Variants in SVIL observed in about 807,000 individuals in gnomAD.
SVIL encodes the protein supervillin.
Under a neutral mutation model 240.4 loss-of-function variants are expected in SVIL, and 101 were observed. That is an observed-to-expected ratio of 0.42 (90% confidence interval 0.36 to 0.50). The LOEUF is 0.50. Ranked by LOEUF, SVIL falls within the 20% of genes least tolerant of loss-of-function variation. The probability of loss-of-function intolerance (pLI) is 0.01; values close to 1 mark genes in which losing one functional copy is unlikely to be tolerated. For synonymous variants in SVIL, 999 were observed against 1,100.0 expected, an observed-to-expected ratio of 0.91 and a Z score of 1.82; for missense variants, 2,512 against 2,818.7, an observed-to-expected ratio of 0.89 and a Z score of 2.46.
rs4749439 is a variant in SVIL at position 29,493,137 on chromosome 10, A to G, written c.4019+77T>C. The G allele has an allele frequency of 0.46, 674,967 of 1,462,980 alleles. 161,276 individuals carry two copies. The highest frequency in any genetic ancestry group is 0.75 in the African/African-American group (53,441 of 70,854). The allele number at this position is 1,462,980 out of a possible 1,614,324, so 90.6% of individuals were successfully genotyped here. On this transcript the variant is annotated intron_variant, in intron 21 of 37. Coordinates refer to ENST00000355867, the MANE Select transcript of SVIL (RefSeq NM_021738.3). ...GGAGAAGGAGGCCACACTGGGGGAA[A>G]AGCCTCATGGATGTGCCCTCTGCAG...
At chr10:29,636,155 C>T (rs1300512840), upstream of SVIL, among the ~76,000 whole-genome samples, 1 of 151,526 alleles carries the variant, frequency 6.6e-6, no homozygotes, top group Non-Finnish European at 1.5e-5. Flanking sequence ...AATTTCATAG[C>T]ATGGCTTTTG....
chr10:29,651,969 C>G (rs1958851264), intron 3 of SVIL, among the ~76,000 whole-genome samples: 1 of 152,084 alleles, frequency 6.6e-6, no homozygotes, highest in African/African-American at 2.4e-5. Context: ...TCTCATCTAT[C>G]ATGAAGTGCT....
At chr10:29,729,153 G>A (rs1372896090) in intron 1 of SVIL, among the ~76,000 whole-genome samples, 4 of 152,094 alleles carry the variant, frequency 2.6e-5, no homozygotes, top group African/African-American at 9.7e-5. Context: ...CCTCCTAAGG[G>A]AAATGGCTCT....
chr10:29,510,811 CCCA>C (rs1949776616), intron 17 of SVIL, among the ~76,000 whole-genome samples: 6 of 137,060 alleles, frequency 4.4e-5, no homozygotes, highest in Admixed American at 2.2e-4. Context: ...AGGCGCCTCA[CCCA>C]CCACATCTGA....
chr10:29,731,675 G>T (rs1406145645), intron 1 of SVIL, among the ~76,000 whole-genome samples: 2 of 152,134 alleles, frequency 1.3e-5, no homozygotes, highest in Admixed American at 1.3e-4. Flanking sequence ...AAAAAAAAAT[G>T]TTAATTCTGA....
chr10:29,630,751 A>G (rs1419677179), intron 1 of SVIL, among the ~76,000 whole-genome samples: 3 of 151,844 alleles, frequency 2.0e-5, no homozygotes, highest in Non-Finnish European at 2.9e-5. Flanking sequence ...TAGATGAAGG[A>G]AAAAAAAGGA....
Position 29,467,831 on chromosome 10 carries a change from A to G in SVIL, c.5888T>C (p.Ile1963Thr), listed in dbSNP as rs755504020. ...CTCGGAGCCTTCATCACACTCGTGTATTGTGACTTTGCTGCTACTATGCAG... is the reference window on the plus strand; with the variant it reads ...CTCGGAGCCTTCATCACACTCGTGTGTTGTGACTTTGCTGCTACTATGCAG... ...AGLHSSSKVT[I>T]HECDEGSEPL... Residue 1963 changes from isoleucine to threonine, a missense_variant, in exon 33 of 38, where the codon ATA becomes ACA. By Grantham distance (89) the Ile-to-Thr change is moderately conservative (BLOSUM62 -1). Coordinates refer to ENST00000355867, the MANE Select transcript of SVIL (RefSeq NM_021738.3). 2 of 1,614,084 alleles carry G rather than the reference A, an allele frequency of 1.2e-6. No individual in the cohort carries two copies. Among genetic ancestry groups the G allele is most frequent in the African/African-American group, 2.7e-5 (2 of 74,944 alleles).
intron 6 of SVIL, among the ~76,000 whole-genome samples, chr10:29,537,764 G>A (rs1013170709): frequency 4.6e-5 from 7 of 152,128 alleles, no homozygotes; most frequent in Admixed American, 6.5e-5. Context: ...ACCTGGCACC[G>A]CTATTGTACG....
Position 29,550,863 on chromosome 10 carries a change from G to A in SVIL, c.561C>T (p.Leu187=). 6.2e-7 allele frequency: 1 copy of A among 1,614,032 alleles called. No homozygotes were observed. Among genetic ancestry groups the A allele is most frequent in the South Asian group, 1.1e-5 (1 of 91,068 alleles). ...TCAGESKDYA[L]HVGDGSSDPE... ...GGTCGGAAGAGCCGTCACCCACATG[G>A]AGGGCATAGTCCTTGGATTCACCGG... Residue 187 remains leucine, a synonymous_variant, in exon 6 of 38, where the codon CTC becomes CTT. Coordinates refer to ENST00000355867, the MANE Select transcript of SVIL (RefSeq NM_021738.3).
At chr10:29,626,536 C>A (rs1247245191) in intron 1 of SVIL, among the ~76,000 whole-genome samples, 9 of 152,162 alleles carry the variant, frequency 5.9e-5, no homozygotes, top group Admixed American at 5.9e-4. Flanking sequence ...GTTGTGAACA[C>A]GAAGATTCTG....
At chr10:29,648,661 C>A (rs545237920) in intron 3 of SVIL, among the ~76,000 whole-genome samples, 16 of 152,102 alleles carry the variant, frequency 1.1e-4, no homozygotes, top group Non-Finnish European at 1.8e-4. Flanking sequence ...ATCAAAGTGC[C>A]CTTTAGCACG....
At chr10:29,532,249 A>G in intron 8 of SVIL, 77 bp from the exon 9 acceptor site, 1 of 1,520,648 alleles carries the variant, frequency 6.6e-7, no homozygotes. Flanking sequence ...AGGATTATGC[A>G]TCTCCGTGAG....
At chr10:29,562,426 C>G (rs1331974873) in intron 3 of SVIL, among the ~76,000 whole-genome samples, 1 of 152,186 alleles carries the variant, frequency 6.6e-6, no homozygotes, top group Admixed American at 6.5e-5. Flanking sequence ...AAAGTCTGCA[C>G]GGGCTGTTCG....
chr10:29,474,501 A>C (rs551527511), intron 29 of SVIL, among the ~76,000 whole-genome samples: 1 of 152,188 alleles, frequency 6.6e-6, no homozygotes, highest in African/African-American at 2.4e-5. Flanking sequence ...AGACTGAGGC[A>C]GGAGGATCAC....
At chr10:29,613,060 C>T (rs1957304790) in intron 1 of SVIL, among the ~76,000 whole-genome samples, 2 of 151,834 alleles carry the variant, frequency 1.3e-5, no homozygotes, top group Non-Finnish European at 2.9e-5. Flanking sequence ...GCCTGTAGTA[C>T]CAGCTACTCG....
intron 1 of SVIL, among the ~76,000 whole-genome samples, chr10:29,693,506 A>T (rs1961681096): frequency 6.6e-6 from 1 of 152,188 alleles, no homozygotes; most frequent in Admixed American, 6.5e-5. Context: ...TTGAAAGGGC[A>T]GTAAGTTCCT....
At chr10:29,516,530 C>T (rs1196112541) in intron 16 of SVIL, among the ~76,000 whole-genome samples, 2 of 152,212 alleles carry the variant, frequency 1.3e-5, no homozygotes, top group Non-Finnish European at 2.9e-5. Context: ...GACCACCAGG[C>T]TCTGAGAGGG....
chr10:29,608,857 T>C (rs1957127205), intron 1 of SVIL, among the ~76,000 whole-genome samples: 1 of 152,194 alleles, frequency 6.6e-6, no homozygotes, highest in African/African-American at 2.4e-5. Context: ...AAGCCAGGGA[T>C]GGCCTGAAGC....
In SVIL at chr10:29,532,016, T is replaced by A; in HGVS notation, c.1995A>T (p.Arg665=). 1 of 1,614,232 alleles carries A rather than the reference T, an allele frequency of 6.2e-7. No homozygotes were observed. ...FRTQPITSAE[R]KESDRCTSHS... Reference sequence around the variant, plus strand: ...CGCATGCCTACCTATCCGATTCCTTTCGTTCTGCTGAAGTTATAGGTTGGG... The same window carrying A: ...CGCATGCCTACCTATCCGATTCCTTACGTTCTGCTGAAGTTATAGGTTGGG... The change falls in exon 9 of 38, where the codon CGA becomes CGT. Residue 665 remains arginine (R), a synonymous_variant. Coordinates refer to ENST00000355867, the MANE Select transcript of SVIL (RefSeq NM_021738.3).
Sources: gnomAD v4.1 joint callset for allele counts (sites outside exome capture counted in the v4.1 genomes callset) on GRCh38, gnomAD v4.1.1 for gene constraint, MANE v1.5 for transcripts, NCBI Gene and HGNC (gene_info 2026-07-23, HGNC 2026-07-21) for gene names.